Variants in TAFA2 observed in about 807,000 individuals in gnomAD.
TAFA2 encodes the protein TAFA chemokine like family member 2.
Under a neutral mutation model 18.8 loss-of-function variants are expected in TAFA2, and 7 were observed. That is an observed-to-expected ratio of 0.37 (90% CI 0.21 to 0.70). The LOEUF is 0.70. TAFA2 is among the 30% of genes least tolerant of loss of function. The pLI, the probability that TAFA2 is intolerant of heterozygous loss-of-function variation, is 0.53. For synonymous variants in TAFA2, 60 were observed against 54.2 expected (o/e 1.11, Z -0.47); for missense variants, 122 against 158.1 (o/e 0.77, Z 1.23).
chr12:61,804,957 A>G (rs1871549086), intron 2 of TAFA2, among the ~76,000 whole-genome samples: 1 of 151,920 alleles, frequency 6.6e-6, no homozygotes, highest in Non-Finnish European at 1.5e-5. Flanking sequence ...ACTTCTACAT[A>G]AAAATAATCA....
intron 1 of TAFA2, among the ~76,000 whole-genome samples, chr12:62,254,984 G>T (rs1168203733): frequency 6.6e-6 from 1 of 152,166 alleles, no homozygotes; most frequent in Non-Finnish European, 1.5e-5. Context: ...AGAATCACTG[G>T]ACCATTGAAC....
chr12:62,194,536 C>T (rs2062641118), upstream of TAFA2, among the ~76,000 whole-genome samples: 1 of 152,064 alleles, frequency 6.6e-6, no homozygotes, highest in African/African-American at 2.4e-5. Context: ...AAATTAATTA[C>T]AAAATAGAAC....
intron 1 of TAFA2, among the ~76,000 whole-genome samples, chr12:61,990,057 G>A (rs1230027621): frequency 1.3e-5 from 2 of 152,002 alleles, no homozygotes; most frequent in African/African-American, 4.8e-5. Flanking sequence ...TTGAAAACCA[G>A]CTCTAAATCT....
At chr12:61,824,947 A>C (rs1872481656) in intron 2 of TAFA2, among the ~76,000 whole-genome samples, 1 of 152,208 alleles carries the variant, frequency 6.6e-6, no homozygotes, top group Non-Finnish European at 1.5e-5. Context: ...GCAATGCATC[A>C]AAGTGAAATT....
chr12:62,209,432 T>A (rs1403012394), intron 1 of TAFA2, among the ~76,000 whole-genome samples: 2 of 152,228 alleles, frequency 1.3e-5, no homozygotes, highest in South Asian at 4.1e-4. Context: ...AATGCTGAAC[T>A]GTGAGTCAAT....
chr12:61,798,427 T>C (rs545006222), intron 2 of TAFA2, among the ~76,000 whole-genome samples: 2 of 152,272 alleles, frequency 1.3e-5, no homozygotes, highest in Admixed American at 1.3e-4. Context: ...AAATTTACCA[T>C]TTTTAGTGTA....
chr12:62,207,724 G>A (rs1435243545), intron 1 of TAFA2, among the ~76,000 whole-genome samples: 2 of 152,098 alleles, frequency 1.3e-5, no homozygotes, highest in Non-Finnish European at 2.9e-5. Context: ...CTCAATCAAA[G>A]ATCAAAGAAA....
chr12:61,757,023 T>C (rs898418595), intron 2 of TAFA2, among the ~76,000 whole-genome samples: 5 of 152,156 alleles, frequency 3.3e-5, no homozygotes, highest in African/African-American at 1.2e-4. Context: ...TGGTACACTA[T>C]GGTAAGGAGA....
chr12:61,729,795 C>A (rs925939395), intron 4 of TAFA2, among the ~76,000 whole-genome samples: 12 of 152,034 alleles, frequency 7.9e-5, no homozygotes, highest in South Asian at 2.1e-4. Context: ...TGTTATGGAA[C>A]CTTATTTTGT....
chr12:61,761,265 AG>A (rs1869534786), intron 2 of TAFA2, among the ~76,000 whole-genome samples: 1 of 152,096 alleles, frequency 6.6e-6, no homozygotes. Flanking sequence ...TTCATAAAAA[AG>A]AAAATCAAAT....
intron 4 of TAFA2, among the ~76,000 whole-genome samples, chr12:61,729,699 G>A (rs776406913): frequency 6.6e-6 from 1 of 151,674 alleles, no homozygotes; most frequent in Non-Finnish European, 1.5e-5. Flanking sequence ...CTTAATAATT[G>A]ACCTTCTGAA....
chr12:62,101,590 T>C (rs1017847488), intron 1 of TAFA2, among the ~76,000 whole-genome samples: 1 of 152,228 alleles, frequency 6.6e-6, no homozygotes, highest in African/African-American at 2.4e-5. Context: ...CAGAACCTTT[T>C]GTGCAGCTTC....
chr12:61,883,863 G>C (rs1388338683), intron 1 of TAFA2, among the ~76,000 whole-genome samples: 1 of 152,144 alleles, frequency 6.6e-6, no homozygotes, highest in African/African-American at 2.4e-5. Context: ...AAATCCTTGA[G>C]TTGGAAAAAC....
chr12:62,058,185 C>T (rs1882236011), intron 1 of TAFA2, among the ~76,000 whole-genome samples: 1 of 152,124 alleles, frequency 6.6e-6, no homozygotes, highest in Admixed American at 6.6e-5. Context: ...TGTAAGGAAT[C>T]TGTCTTTACT....
At chr12:61,921,828 C>T (rs1400597091) in intron 1 of TAFA2, among the ~76,000 whole-genome samples, 1 of 152,030 alleles carries the variant, frequency 6.6e-6, no homozygotes, top group Admixed American at 6.6e-5. Context: ...CAGGGTCTCA[C>T]TAACATTAAG....
intron 2 of TAFA2, among the ~76,000 whole-genome samples, chr12:61,768,111 T>C (rs1208145147): frequency 2.0e-5 from 3 of 152,134 alleles, no homozygotes; most frequent in South Asian, 4.1e-4. Context: ...GGCATTGTGC[T>C]ATCTCTCCTG....
chr12:61,925,339 A>G (rs1314842526), intron 1 of TAFA2, among the ~76,000 whole-genome samples: 1 of 152,190 alleles, frequency 6.6e-6, no homozygotes, highest in Non-Finnish European at 1.5e-5. Flanking sequence ...ATTGGAAGTA[A>G]AACACTCCTC....
intron 1 of TAFA2, among the ~76,000 whole-genome samples, chr12:61,972,436 T>C (rs1175617198): frequency 1.3e-5 from 2 of 151,666 alleles, no homozygotes; most frequent in Non-Finnish European, 3.0e-5. Flanking sequence ...AACTTCACTC[T>C]CTTGACCTTT....
chr12:61,895,225 A>T (rs1158024608), intron 1 of TAFA2, among the ~76,000 whole-genome samples: 1 of 152,172 alleles, frequency 6.6e-6, no homozygotes, highest in Non-Finnish European at 1.5e-5. Context: ...TAAAAATAGA[A>T]TCATAAATAT....
Sources: allele counts gnomAD v4.1 joint callset (sites outside exome capture counted in the v4.1 genomes callset), GRCh38; gene constraint gnomAD v4.1.1; transcripts MANE v1.5; gene names NCBI Gene and HGNC (gene_info 2026-07-23, HGNC 2026-07-21).